The following RAPGEF3 variants were observed in gnomAD, a reference collection of about 807,000 sequenced individuals.
RAPGEF3 encodes the protein Rap guanine nucleotide exchange factor 3.
A neutral mutation model predicts 129.8 loss-of-function variants in RAPGEF3; 103 were observed. The observed-to-expected ratio is 0.79, with a 90% CI of 0.68 to 0.93. RAPGEF3 has a LOEUF of 0.93. RAPGEF3 is among the 40% of genes least tolerant of loss of function. RAPGEF3 has a pLI of 0.00. For missense variants in RAPGEF3, 1,117 were observed against 1,207.4 expected (o/e 0.93, Z 1.11); for synonymous variants, 436 against 482.6 (o/e 0.90, Z 1.26).
At chr12:47,740,863 C>T (rs776514592) in intron 20 of RAPGEF3, 40 bp from the exon 21 acceptor site, 31 of 1,613,272 alleles carry the variant, frequency 1.9e-5, no homozygotes, top group Admixed American at 6.7e-5. Flanking sequence ...AGTGCTGAGC[C>T]GAGCCGGGCG....
intron 1 of RAPGEF3, 85 bp downstream of exon 1, chr12:47,758,466 C>A (rs1271494452): frequency 2.5e-6 from 4 of 1,588,340 alleles, no homozygotes; most frequent in Non-Finnish European, 2.6e-6. Flanking sequence ...ACTAACCCTC[C>A]CTCTCCCACC....
rs925132555 is a variant in RAPGEF3, at chr12:47,758,820, C to T, written c.-264G>A. On this transcript the variant is annotated 5_prime_UTR_variant, in exon 1 of 28. Coordinates refer to ENST00000449771, the MANE Select transcript of RAPGEF3 (RefSeq NM_001098531.4). ...CCACCGGCGACAGGGAGCCCCGAGC[C>T]TGCGCCTTCGTCTCAGACGAAGGAG... The T allele has an allele frequency of 3.7e-5, 45 of 1,230,902 alleles. No homozygotes were observed. Among genetic ancestry groups the T allele is most frequent in the Non-Finnish European group, 4.5e-5 (44 of 984,170 alleles). 76.2% of individuals were successfully genotyped at this position (1,230,902 alleles called of 1,614,324 possible).
chr12:47,740,044 AG>A, intron 23 of RAPGEF3, 96 bp downstream of exon 23: 1 of 1,384,788 alleles, frequency 7.2e-7, no homozygotes, highest in Non-Finnish European at 1.0e-6. Context: ...GGACGAGTAG[AG>A]GGGCTGCAGG....
In RAPGEF3 at chr12:47,737,357, C is replaced by T. The variant is rs998237422; in HGVS notation, c.*210G>A. On this transcript the variant is annotated 3_prime_UTR_variant, in exon 28 of 28. Coordinates refer to ENST00000449771, the MANE Select transcript of RAPGEF3 (RefSeq NM_001098531.4). ...CTCCCTTCCTTGGCCTTGGGTCATT[C>T]GTTATTCCTGGCTCGGGTCCACTCC... The T allele has an allele frequency of 1.6e-5, 9 of 578,612 alleles. No homozygotes were observed. The highest frequency in any genetic ancestry group is 4.6e-4 in the Middle Eastern group (1 of 2,176). 35.8% of individuals were successfully genotyped at this position (578,612 alleles called of 1,614,324 possible). A position where few individuals can be genotyped will look rare whatever the true frequency, so the allele number is the denominator to read the frequency against.
At chr12:47,738,489 G>C (rs138983555) in intron 25 of RAPGEF3, among the ~76,000 whole-genome samples, 8 of 152,192 alleles carry the variant, frequency 5.3e-5, no homozygotes, top group Non-Finnish European at 1.2e-4. Flanking sequence ...AAGGGCTCTC[G>C]TTGAATGGTG....
chr12:47,751,832 T>C lies in RAPGEF3; in HGVS notation c.274-3A>G. The C allele has an allele frequency of 6.2e-7, 1 of 1,614,122 alleles. No individual in the cohort carries two copies. Among genetic ancestry groups the C allele is most frequent in the South Asian group, 1.1e-5 (1 of 91,072 alleles). The stretch of plus-strand genomic sequence containing the variant: ...CTGAGCACCCGCTCTGTGGAGGCCT[T>C]AGAGGGAGGAAGGGCACAGCAGTTC... On this transcript the variant is annotated splice_region_variant and splice_polypyrimidine_tract_variant and intron_variant, in intron 3 of 27. Coordinates refer to ENST00000449771, the MANE Select transcript of RAPGEF3 (RefSeq NM_001098531.4).
At chr12:47,747,366 A>C (rs1218432250) in intron 15 of RAPGEF3, among the ~76,000 whole-genome samples, 178 bp downstream of exon 15, 1 of 152,178 alleles carries the variant, frequency 6.6e-6, no homozygotes, top group Admixed American at 6.5e-5. Context: ...CTGATGCATG[A>C]GAATGGAGGG....
intron 15 of RAPGEF3, 33 bp downstream of exon 15, chr12:47,747,511 G>A: frequency 2.5e-6 from 4 of 1,603,498 alleles, no homozygotes; most frequent in Non-Finnish European, 3.4e-6. Flanking sequence ...TGCCAGTTAT[G>A]GAAATGACAA....
intron 1 of RAPGEF3, 168 bp from the exon 2 acceptor site, chr12:47,758,246 G>A: frequency 7.0e-7 from 1 of 1,433,344 alleles, no homozygotes; most frequent in Admixed American, 2.8e-5. Context: ...GACCTTCACT[G>A]GGGCCTGCCG....
Position 47,751,132 on chromosome 12 carries a change from T to G in RAPGEF3, c.587A>C (p.Glu196Ala). The G allele has an allele frequency of 6.4e-7, 1 of 1,572,900 alleles. No homozygotes were observed. Among genetic ancestry groups the G allele is most frequent in the Non-Finnish European group, 8.6e-7 (1 of 1,159,492 alleles). The change falls in exon 6 of 28, where the codon GAG (glutamate) becomes GCG (alanine). Residue 196 changes from glutamate (E) to alanine (A), a missense_variant. This residue lies in a region of RAPGEF3 where 367 missense variants were observed against 373.4 expected (regional missense o/e 0.98). Coordinates refer to ENST00000449771, the MANE Select transcript of RAPGEF3 (RefSeq NM_001098531.4). ...GPEPEPVRTH[E>A]MEEELAEAVA... ...AGCTTCGGCCAACTCCTCCTCCATC[T>G]CATGAGTTCTCACGGGCTCGGGCTC...
Position 47,736,831 on chromosome 12 carries a change from G to GGGGCTCC in RAPGEF3, c.*729_*735dup, listed in dbSNP as rs1363976196. 1 of 152,374 alleles carries GGGGCTCC rather than the reference G, an allele frequency of 6.6e-6. No individual in the cohort carries two copies. Among genetic ancestry groups the GGGGCTCC allele is most frequent in the African/African-American group, 2.4e-5 (1 of 41,462 alleles). 9.4% of individuals were successfully genotyped at this position (152,374 alleles called of 1,614,324 possible). On this transcript the variant is annotated 3_prime_UTR_variant, in exon 28 of 28. Transcript: ENST00000449771. ...TGGTCACCCTGGCTGGCTGCTGACA[G>GGGGCTCC]GGGCTCCAGGCTCCAGCCCGCCCTT...
intron 11 of RAPGEF3, 45 bp from the exon 12 acceptor site, chr12:47,748,587 A>T (rs747354697): frequency 1.4e-6 from 2 of 1,479,394 alleles, no homozygotes; most frequent in African/African-American, 2.8e-5. Flanking sequence ...ACTACTCCCC[A>T]CTCCCACACC....
intron 2 of RAPGEF3, chr12:47,755,970 GA>G (rs1286034347): frequency 1.3e-5 from 2 of 152,222 alleles, no homozygotes; most frequent in Admixed American, 6.5e-5. Context: ...ATGATGGAAT[GA>G]AACCTCCCCA....
At chr12:47,737,845 G>A (rs1038373319) in intron 27 of RAPGEF3, among the ~76,000 whole-genome samples, 160 bp from the exon 28 acceptor site, 1 of 152,072 alleles carries the variant, frequency 6.6e-6, no homozygotes, top group Non-Finnish European at 1.5e-5. Context: ...CCCACCCCAC[G>A]GGTGAGGGGA....
chr12:47,750,338 G>T lies in RAPGEF3; in HGVS notation c.756+3C>A. ...GGGCAGGGCTGGGAGGGGCAGGACT[G>T]ACCGAGTTGGAGAGGTGGGCCACAG... On this transcript the variant is annotated splice_donor_region_variant and intron_variant, in intron 7 of 27. Coordinates refer to ENST00000449771, the MANE Select transcript of RAPGEF3 (RefSeq NM_001098531.4). 1 of 1,613,666 alleles carries T rather than the reference G, an allele frequency of 6.2e-7. No homozygotes were observed. The highest frequency in any genetic ancestry group is 1.1e-5 in the South Asian group (1 of 91,030).
At chr12:47,758,472 C>T (rs1942236739) in intron 1 of RAPGEF3, 79 bp downstream of exon 1, 4 of 1,590,428 alleles carry the variant, frequency 2.5e-6, no homozygotes, top group South Asian at 2.2e-5. Flanking sequence ...CCTCCCTCTC[C>T]CACCCAAACT....
At chr12:47,740,101 G>C in intron 23 of RAPGEF3, 40 bp downstream of exon 23, 16 of 1,598,294 alleles carry the variant, frequency 1.0e-5, no homozygotes, top group Non-Finnish European at 1.4e-5. Context: ...GAGCCCAGCT[G>C]ATCCTAGCAG....
Position 47,751,847 on chromosome 12 carries a change from C to A in RAPGEF3, c.274-18G>T, listed in dbSNP as rs751047432. Reference sequence around the variant, plus strand: ...GTGGAGGCCTTAGAGGGAGGAAGGGCACAGCAGTTCAGGCTCTGAACCCCT... The same window carrying A: ...GTGGAGGCCTTAGAGGGAGGAAGGGAACAGCAGTTCAGGCTCTGAACCCCT... On this transcript the variant is annotated intron_variant, in intron 3 of 27. Coordinates refer to ENST00000449771, the MANE Select transcript of RAPGEF3 (RefSeq NM_001098531.4). 1 of 1,614,148 alleles carries A rather than the reference C, an allele frequency of 6.2e-7. No individual in the cohort carries two copies. Among genetic ancestry groups the A allele is most frequent in the South Asian group, 1.1e-5 (1 of 91,082 alleles).
At position 47,758,080 on chromosome 12, in the gene RAPGEF3, T is replaced by G. The variant is rs1408110648; in HGVS notation, c.7-2A>C. The G allele has an allele frequency of 7.7e-6, 12 of 1,559,744 alleles. No individual in the cohort carries two copies. The highest frequency in any genetic ancestry group is 1.0e-5 in the Non-Finnish European group (12 of 1,151,924). On this transcript the variant is annotated splice_acceptor_variant, in intron 1 of 27. Coordinates refer to ENST00000449771, the MANE Select transcript of RAPGEF3 (RefSeq NM_001098531.4). LOFTEE classifies it high-confidence loss of function. ...GCAGCTCTCACCTGGCCAGCCCACCTGTGACACGGGGAGGAAAGTGGACAG... is the reference window on the plus strand; with the variant it reads ...GCAGCTCTCACCTGGCCAGCCCACCGGTGACACGGGGAGGAAAGTGGACAG...
Sources: gnomAD v4.1 joint callset for allele counts (sites outside exome capture counted in the v4.1 genomes callset) on GRCh38, gnomAD v4.1.1 for gene constraint, gnomAD v4.1.1 regional missense constraint, MANE v1.5 for transcripts, NCBI Gene and HGNC (gene_info 2026-07-23, HGNC 2026-07-21) for gene names.